The following PITPNM2 variants were observed in gnomAD, a reference collection of about 807,000 sequenced individuals.
PITPNM2 encodes membrane-associated phosphatidylinositol transfer protein 2.
PITPNM2 carries 35 observed loss-of-function variants against 132.2 expected under a neutral mutation model. The observed-to-expected ratio is 0.26, with a 90% confidence interval of 0.20 to 0.35. The LOEUF is 0.35. PITPNM2 is among the 10% of genes least tolerant of loss of function. The pLI is 1.00. For missense variants in PITPNM2, 1,332 were observed against 1,912.0 expected (o/e 0.70, Z 5.66); for synonymous variants, 738 against 799.2 (o/e 0.92, Z 1.29).
upstream of PITPNM2, among the ~76,000 whole-genome samples, chr12:123,151,532 C>T (rs2043754045): frequency 6.6e-6 from 1 of 152,202 alleles, no homozygotes; most frequent in Non-Finnish European, 1.5e-5. Flanking sequence ...AGCCCAGCCC[C>T]GGGCGCGGTG....
intron 3 of PITPNM2, among the ~76,000 whole-genome samples, chr12:123,020,673 T>A (rs555227649): frequency 1.3e-5 from 2 of 151,858 alleles, no homozygotes; most frequent in Admixed American, 6.6e-5. Flanking sequence ...TTTATGAACA[T>A]GAAATCTTGG....
rs370725400 is a variant in PITPNM2 at position 123,004,515 on chromosome 12, C to A, written c.953-26G>T. The A allele has an allele frequency of 1.9e-6, 3 of 1,609,880 alleles. No homozygotes were observed. Among genetic ancestry groups the A allele is most frequent in the Non-Finnish European group, 1.7e-6 (2 of 1,177,176 alleles). ...CTGGAAGGCAAAACCCCAGATTGACCGCCAACTGGAGAGGAAGGGCCCAGA... is the reference window on the plus strand; with the variant it reads ...CTGGAAGGCAAAACCCCAGATTGACAGCCAACTGGAGAGGAAGGGCCCAGA... On this transcript the variant is annotated intron_variant, in intron 7 of 25. Transcript: ENST00000320201. This position sits in a 1 kb window ranked among gnomAD's most constrained non-coding sequence, Gnocchi z 4.9.
At chr12:123,093,611 C>T (rs1444339489) in intron 2 of PITPNM2, among the ~76,000 whole-genome samples, 1 of 152,198 alleles carries the variant, frequency 6.6e-6, no homozygotes, top group Non-Finnish European at 1.5e-5. Context: ...AGCCAACCTC[C>T]CACTCCCCTC....
rs749092011 is a variant in PITPNM2, at chr12:123,078,537, T to C, written c.-96+31848A>G. Among the ~76,000 whole-genome samples the C allele has an allele frequency of 6.6e-6, 1 of 152,174 alleles. No homozygotes were observed. Among genetic ancestry groups the C allele is most frequent in the Non-Finnish European group, 1.5e-5 (1 of 68,026 alleles). On this transcript the variant is annotated intron_variant, in intron 2 of 25. Coordinates refer to ENST00000320201, the MANE Select transcript of PITPNM2 (RefSeq NM_020845.3). This position sits in a 1 kb window ranked among gnomAD's most constrained non-coding sequence, Gnocchi z 7.3. ...CTCCCCGGGCTTAGGTGATACCTTG[T>C]GTTAGGGGAGGCGTTGTGGATTTCC...
intron 3 of PITPNM2, among the ~76,000 whole-genome samples, chr12:123,020,623 A>G (rs1467043545): frequency 6.6e-6 from 1 of 152,114 alleles, no homozygotes; most frequent in African/African-American, 2.4e-5. Context: ...GCAGCAGGAG[A>G]TGCCTCTGTG....
chr12:123,103,052 T>C (rs2042603964), intron 2 of PITPNM2, among the ~76,000 whole-genome samples: 2 of 152,158 alleles, frequency 1.3e-5, no homozygotes, highest in Admixed American at 1.3e-4. Context: ...GCCTCCTGAG[T>C]AGCTGGGACT....
intron 1 of PITPNM2, among the ~76,000 whole-genome samples, chr12:123,135,760 A>G (rs965286791): frequency 6.6e-6 from 1 of 152,108 alleles, no homozygotes; most frequent in South Asian, 2.1e-4. Flanking sequence ...TGCAGTAGCT[A>G]TTAACAGGCG....
At chr12:123,132,521 CT>C (rs10658758) in intron 1 of PITPNM2, among the ~76,000 whole-genome samples, 4,955 of 144,632 alleles carry the variant, frequency 0.034, 106 homozygotes, top group South Asian at 0.081. Flanking sequence ...TTTTCTTTCC[CT>C]TTTTTTTTTT....
At chr12:123,018,559 C>G (rs935422532) in intron 3 of PITPNM2, among the ~76,000 whole-genome samples, 1 of 151,706 alleles carries the variant, frequency 6.6e-6, no homozygotes, top group African/African-American at 2.4e-5. Context: ...CTCGGCCTCC[C>G]AAAGTTCTGG....
At chr12:123,147,405 C>T (rs2043639685) in intron 1 of PITPNM2, among the ~76,000 whole-genome samples, 1 of 152,166 alleles carries the variant, frequency 6.6e-6, no homozygotes, top group Non-Finnish European at 1.5e-5. Context: ...GCCTGAAACT[C>T]CTAGGCTAAA....
rs925188122 is a variant in PITPNM2, at chr12:122,983,936, T to G, written c.*2091A>C. ...TTAAAGGACGCTGCCCTCCCTCTCTTAGTTTCAGAAAGACTGGTACTTCCT... is the reference window on the plus strand; with the variant it reads ...TTAAAGGACGCTGCCCTCCCTCTCTGAGTTTCAGAAAGACTGGTACTTCCT... On this transcript the variant is annotated 3_prime_UTR_variant, in exon 26 of 26. Transcript: ENST00000320201. 1 of 152,676 alleles carries G rather than the reference T, an allele frequency of 6.5e-6. No homozygotes were observed. The allele number at this position is 152,676 out of a possible 1,614,324, so 9.5% of individuals were successfully genotyped here. A position where few individuals can be genotyped will look rare whatever the true frequency, so the allele number is the denominator to read the frequency against.
intron 2 of PITPNM2, chr12:123,081,252 T>C (rs1353804065): frequency 6.6e-6 from 1 of 152,432 alleles, no homozygotes; most frequent in Admixed American, 6.5e-5. Context: ...GGGAACAGCA[T>C]AGATACCAAC....
intron 10 of PITPNM2, among the ~76,000 whole-genome samples, chr12:122,999,119 A>C (rs2038549477): frequency 6.6e-6 from 1 of 151,906 alleles, no homozygotes; most frequent in Non-Finnish European, 1.5e-5. Context: ...TCCAAAAAAA[A>C]AAAAAAAAAG....
chr12:123,021,239 A>G (rs1231182199), intron 3 of PITPNM2, among the ~76,000 whole-genome samples: 1 of 152,166 alleles, frequency 6.6e-6, no homozygotes, highest in East Asian at 1.9e-4. Flanking sequence ...GGTAGAGGCC[A>G]CAAGGTCCAG....
At position 123,005,683 on chromosome 12, in the gene PITPNM2, C is replaced by T; in HGVS notation, c.644-135G>A. 1.3e-6 allele frequency: 1 copy of T among 771,050 alleles called. No homozygotes were observed. The highest frequency in any genetic ancestry group is 2.1e-6 in the Non-Finnish European group (1 of 479,598). 47.8% of individuals were successfully genotyped at this position (771,050 alleles called of 1,614,324 possible). On this transcript the variant is annotated intron_variant, in intron 6 of 25. Coordinates refer to ENST00000320201, the MANE Select transcript of PITPNM2 (RefSeq NM_020845.3). This position sits in a 1 kb window ranked among gnomAD's most constrained non-coding sequence, Gnocchi z 6.2. ...TTGCAGGTCAAACTAAAGTCACTGC[C>T]TGTCTGTGCCTCAGTTTCCCCATTT...
intron 1 of PITPNM2, among the ~76,000 whole-genome samples, chr12:123,145,951 C>T (rs2043606313): frequency 6.6e-6 from 1 of 152,110 alleles, no homozygotes; most frequent in Admixed American, 6.6e-5. Flanking sequence ...TATATATACA[C>T]ATAGTATAGA....
chr12:122,997,358 G>T lies in PITPNM2; in HGVS notation c.1439C>A (p.Pro480His). 3 of 1,613,322 alleles carry T rather than the reference G, an allele frequency of 1.9e-6. No individual in the cohort carries two copies. Among genetic ancestry groups the T allele is most frequent in the Non-Finnish European group, 1.7e-6 (2 of 1,179,948 alleles). The change falls in exon 11 of 26, where the codon CCC (proline) becomes CAC (histidine). Residue 480 changes from proline (P) to histidine (H), a missense_variant. Physicochemically the swap from Pro to His is moderately conservative, Grantham distance 77. Transcript: ENST00000320201. ...CAGGGCAAAGGCGTCAGAGCAGACG[G>T]GCGGGCAGGGCACCAGGCGGATGGC... ...RLAIRLVPCP[P>H]VCSDAFALVS...
At chr12:123,121,344 G>A (rs1317973150) in intron 1 of PITPNM2, among the ~76,000 whole-genome samples, 1 of 152,118 alleles carries the variant, frequency 6.6e-6, no homozygotes, top group Non-Finnish European at 1.5e-5. Flanking sequence ...CTCCAGCCTG[G>A]GCAACAGAAC....
In PITPNM2 at chr12:122,997,405, G is replaced by A. The variant is rs1279311165; in HGVS notation, c.1392C>T (p.Tyr464=). Reference sequence around the variant, plus strand: ...TGGCAAGGCGGCCCAGGGCGCTGGGGTAGTGCACGCGCATGACGGTGTCGA... The same window carrying A: ...TGGCAAGGCGGCCCAGGGCGCTGGGATAGTGCACGCGCATGACGGTGTCGA... ...NVFDTVMRVH[Y]PSALGRLAIR... The change falls in exon 11 of 26, where the codon TAC becomes TAT. Residue 464 remains tyrosine (Y), a synonymous_variant. Coordinates refer to ENST00000320201, the MANE Select transcript of PITPNM2 (RefSeq NM_020845.3). 1.2e-6 allele frequency: 2 copies of A among 1,613,536 alleles called. No individual in the cohort carries two copies. Among genetic ancestry groups the A allele is most frequent in the South Asian group, 1.1e-5 (1 of 91,086 alleles).
Sources: gnomAD v4.1 joint callset for allele counts (sites outside exome capture counted in the v4.1 genomes callset) on GRCh38, gnomAD v4.1.1 for gene constraint, Gnocchi (gnomAD v3.1) non-coding constraint, MANE v1.5 for transcripts, NCBI Gene and HGNC (gene_info 2026-07-23, HGNC 2026-07-21) for gene names.